Variants in BBS1 observed in about 807,000 individuals in gnomAD.
BBS1 encodes BBSome complex member BBS1.
A neutral mutation model predicts 73.9 loss-of-function variants in BBS1; 60 were observed. That is an observed-to-expected ratio of 0.81 (90% CI 0.66 to 1.01). BBS1 has a LOEUF of 1.01. Among genes scored for constraint, BBS1 ranks in the 50% least tolerant of loss-of-function variants. BBS1 has a pLI of 0.00. For missense variants in BBS1, 718 were observed against 770.3 expected (o/e 0.93, Z 0.80); for synonymous variants, 283 against 317.4 (o/e 0.89, Z 1.15).
intron 9 of BBS1, chr11:66,521,591 T>A: frequency 1.7e-6 from 1 of 589,752 alleles, no homozygotes; most frequent in Non-Finnish European, 3.1e-6. Context: ...GCTGGGTGGC[T>A]ATAGTACAGG....
At chr11:66,526,229 G>A (rs763778799) in intron 12 of BBS1, 37 bp downstream of exon 12, 13 of 1,583,980 alleles carry the variant, frequency 8.2e-6, no homozygotes, top group African/African-American at 2.7e-5. Context: ...CTTTGAAGTC[G>A]GGAGTGAAGG....
rs1480260410 is a variant in BBS1, at chr11:66,514,235, A to C, written c.160-171A>C. Among the ~76,000 whole-genome samples, 3 of 152,340 alleles carry C rather than the reference A, an allele frequency of 2.0e-5. No homozygotes were observed. The East Asian group carries it at 5.8e-4, about 29-fold the overall frequency. ...CACCATTCTGCAAGCGGGAAACCTG[A>C]GATTCAGAAAGGTTAGTCAACTTTC... On this transcript the variant is annotated intron_variant, in intron 3 of 16. Coordinates refer to ENST00000318312, the MANE Select transcript of BBS1 (RefSeq NM_024649.5).
rs951577806 is a variant in BBS1, at chr11:66,530,993, G to A, written c.1573G>A (p.Glu525Lys). ...LGLLVCFLYN[E>K]ALYSLPRAFF... The stretch of plus-strand genomic sequence containing the variant: ...GCTGCTGGTCTGCTTCCTGTACAAC[G>A]AGGCGCTCTATTCCCTGCCCCGGGC... Residue 525 changes from glutamate to lysine, a missense_variant, in exon 15 of 17, where the codon GAG becomes AAG. Transcript: ENST00000318312. The A allele has an allele frequency of 5.0e-6, 8 of 1,614,188 alleles. No homozygotes were observed. Among genetic ancestry groups the A allele is most frequent in the South Asian group, 3.3e-5 (3 of 91,084 alleles).
rs1856369610 is a variant in BBS1, at chr11:66,523,962, GAC to G, written c.1110+81_1110+82del. ...CTGGGGCTTCTTAGCTGCCTCTTCCGACCACACATTGATGCATTTCAAAAACA... is the reference window on the plus strand; with the variant it reads ...CTGGGGCTTCTTAGCTGCCTCTTCCGCACACATTGATGCATTTCAAAAACA... On this transcript the variant is annotated intron_variant, in intron 11 of 16. Transcript: ENST00000318312. 19 of 1,575,366 alleles carry G rather than the reference GAC, an allele frequency of 1.2e-5. No individual in the cohort carries two copies. In the East Asian group the frequency reaches 4.3e-4, roughly 35 times the overall value.
chr11:66,515,704 A>G lies in BBS1; in HGVS notation c.491A>G (p.Glu164Gly), dbSNP rs1319438351. Residue 164 changes from glutamate to glycine, a missense_variant, in exon 6 of 17, where the codon GAG (glutamate) becomes GGG (glycine). Transcript: ENST00000318312. The part of the protein sequence containing the change: ...EMLESIRETA[E>G]EPLSIQSLRF... ...CCCTTTCCTTGCAGGGAGACGGCAGAGGAGCCTTTGTCCATCCAGTCACTC... is the reference window on the plus strand; with the variant it reads ...CCCTTTCCTTGCAGGGAGACGGCAGGGGAGCCTTTGTCCATCCAGTCACTC... The G allele has an allele frequency of 1.9e-6, 3 of 1,614,188 alleles. No individual in the cohort carries two copies. The Admixed American group carries it at 5.0e-5, about 27-fold the overall frequency.
chr11:66,515,999 C>A, intron 7 of BBS1, 66 bp downstream of exon 7: 2 of 1,491,402 alleles, frequency 1.3e-6, no homozygotes, highest in South Asian at 2.3e-5. Flanking sequence ...GACCACTTAA[C>A]ATCAGTGGTA....
chr11:66,528,735 G>A lies in BBS1; in HGVS notation c.1340-1084G>A, dbSNP rs183013989. ...TGTAATCCCAGCACTTTGGGAGGCCGAGGTGGGCAGATCACCTGAGGTCAG... is the reference window on the plus strand; with the variant it reads ...TGTAATCCCAGCACTTTGGGAGGCCAAGGTGGGCAGATCACCTGAGGTCAG... On this transcript the variant is annotated intron_variant, in intron 13 of 16. Transcript: ENST00000318312. Among the ~76,000 whole-genome samples the A allele has an allele frequency of 7.6e-3, 1,163 of 152,116 alleles. 17 individuals carry two copies. Among genetic ancestry groups the A allele is most frequent in the African/African-American group, 0.026 (1,090 of 41,486 alleles).
At chr11:66,516,538 C>G (rs531028891) in intron 7 of BBS1, among the ~76,000 whole-genome samples, 1 of 151,964 alleles carries the variant, frequency 6.6e-6, no homozygotes, top group South Asian at 2.1e-4. Flanking sequence ...AAAATCATTC[C>G]TCTTTTTTAA....
rs367686869 is a variant in BBS1 at position 66,521,317 on chromosome 11, T to G, written c.771T>G (p.Phe257Leu). ...TCTTCCTAGAGGTTTCTGGCCAGTT[T>G]GATGTTGAGTTCCGGCTTGCCGCGG... ...VPVFLEVSGQFDVEFRLAAAC... is the reference protein window; with the variant it reads ...VPVFLEVSGQLDVEFRLAAAC... The change falls in exon 9 of 17, where the codon TTT becomes TTG. Residue 257 changes from phenylalanine to leucine, a missense_variant. By Grantham distance (22) the Phe-to-Leu change is conservative. Transcript: ENST00000318312. The G allele has an allele frequency of 6.2e-7, 1 of 1,614,250 alleles. No homozygotes were observed. Among genetic ancestry groups the G allele is most frequent in the East Asian group, 2.2e-5 (1 of 44,886 alleles).
chr11:66,520,834 A>G (rs184014412), intron 8 of BBS1: 76 of 282,230 alleles, frequency 2.7e-4, no homozygotes, highest in African/African-American at 1.5e-3. Flanking sequence ...CCTGGGCTCA[A>G]ACAGTCCTCT....
At position 66,514,596 on chromosome 11, in the gene BBS1, A is replaced by C; in HGVS notation, c.350A>C (p.Asn117Thr). 1 of 1,614,020 alleles carries C rather than the reference A, an allele frequency of 6.2e-7. No homozygotes were observed. The highest frequency in any genetic ancestry group is 8.5e-7 in the Non-Finnish European group (1 of 1,180,046). Residue 117 changes from asparagine (N) to threonine (T), a missense_variant, in exon 4 of 17, where the codon AAT becomes ACT. Transcript: ENST00000318312. ...GGCCCTTGTGTCTATGTGTATAAGA[A>C]TCTCAGACCCTACTTCAAGTTCAGC... ...ASGPCVYVYK[N>T]LRPYFKFSLP...
rs1056413408 is a variant in BBS1 at position 66,533,196 on chromosome 11, A to T, written c.*1159A>T. 1.3e-5 allele frequency: 2 copies of T among 152,252 alleles called. No individual in the cohort carries two copies. The highest frequency in any genetic ancestry group is 4.8e-5 in the African/African-American group (2 of 41,464). The allele number at this position is 152,252 out of a possible 1,614,324, so 9.4% of individuals were successfully genotyped here. A position where few individuals can be genotyped will look rare whatever the true frequency, so the allele number is the denominator to read the frequency against. ...ACAGTGCAGGGTGCCCAGTGCACAC[A>T]CTAGAGAGAAATTGTGAACATTAAG... On this transcript the variant is annotated 3_prime_UTR_variant, in exon 17 of 17. Transcript: ENST00000318312.
At chr11:66,521,022 C>A (rs574350682) in intron 8 of BBS1, 3 of 522,802 alleles carry the variant, frequency 5.7e-6, no homozygotes, top group Non-Finnish European at 1.0e-5. Flanking sequence ...CCCAGCTGCA[C>A]GGTTGTTTAA....
chr11:66,511,242 A>AAGC lies in BBS1; in HGVS notation c.159+5_159+7dup. 1 of 1,614,140 alleles carries AAGC rather than the reference A, an allele frequency of 6.2e-7. No individual in the cohort carries two copies. The highest frequency in any genetic ancestry group is 8.5e-7 in the Non-Finnish European group (1 of 1,180,022). On this transcript the variant is annotated splice_donor_region_variant and intron_variant, in intron 3 of 16. Coordinates refer to ENST00000318312, the MANE Select transcript of BBS1 (RefSeq NM_024649.5). ...TACATGGGGATGGGGAATACAAGGTAAGCATATCACCCTAGCCAGGAGAGT... is the reference window on the plus strand; with the variant it reads ...TACATGGGGATGGGGAATACAAGGTAAGCAGCATATCACCCTAGCCAGGAGAGT...
Position 66,515,595 on chromosome 11 carries a change from C to T in BBS1, c.479+9C>T, listed in dbSNP as rs2134773282. 1 of 1,614,128 alleles carries T rather than the reference C, an allele frequency of 6.2e-7. No homozygotes were observed. The highest frequency in any genetic ancestry group is 8.5e-7 in the Non-Finnish European group (1 of 1,180,006). On this transcript the variant is annotated intron_variant, in intron 5 of 16. Coordinates refer to ENST00000318312, the MANE Select transcript of BBS1 (RefSeq NM_024649.5). The stretch of plus-strand genomic sequence containing the variant: ...ATGCTGGAGAGCATCCGGTGAGAGG[C>T]TGCCTTCCCCTTCATACCCCCCTCA...
chr11:66,514,727 C>T (rs1374174474), intron 4 of BBS1, 49 bp downstream of exon 4: 2 of 1,598,392 alleles, frequency 1.3e-6, no homozygotes, highest in Admixed American at 1.7e-5. Context: ...AGATGGCAGC[C>T]ACTGGGTGAA....
At chr11:66,522,972 T>C in intron 9 of BBS1, 1 of 360,936 alleles carries the variant, frequency 2.8e-6, no homozygotes. Context: ...GGGAAAGACA[T>C]TGGCGTGTGC....
In BBS1 at chr11:66,531,986, G is replaced by C; in HGVS notation, c.1731G>C (p.Leu577=). Residue 577 remains leucine (L), a synonymous_variant, in exon 17 of 17, where the codon CTG becomes CTC. Coordinates refer to ENST00000318312, the MANE Select transcript of BBS1 (RefSeq NM_024649.5). The stretch of plus-strand genomic sequence containing the variant: ...TTCGAGAAGGCCAAAGTGCACCCCT[G>C]CTGAGTGCCCACGTCAACATGCCTG... ...LVLREGQSAP[L]LSAHVNMPGS... 1 of 1,606,692 alleles carries C rather than the reference G, an allele frequency of 6.2e-7. No homozygotes were observed. The highest frequency in any genetic ancestry group is 8.5e-7 in the Non-Finnish European group (1 of 1,177,104).
intron 14 of BBS1, 21 bp downstream of exon 14, chr11:66,529,973 A>G (rs1856700766): frequency 1.9e-6 from 3 of 1,592,442 alleles, no homozygotes. Context: ...GGGTGAGGGC[A>G]GAGTCAGGGC....
Sources: gnomAD v4.1 joint callset for allele counts (sites outside exome capture counted in the v4.1 genomes callset) on GRCh38, gnomAD v4.1.1 for gene constraint, MANE v1.5 for transcripts, NCBI Gene and HGNC (gene_info 2026-07-23, HGNC 2026-07-21) for gene names.